Variants in ARFGEF1 observed in about 807,000 individuals in gnomAD.
ARFGEF1 encodes brefeldin A-inhibited guanine nucleotide-exchange protein 1.
In ARFGEF1, 42 loss-of-function variants were observed where a neutral mutation model predicts 231.0. That is an observed-to-expected ratio of 0.18 (90% CI 0.14 to 0.24). The LOEUF is 0.24. Ranked by LOEUF, ARFGEF1 falls within the 10% of genes least tolerant of loss-of-function variation. The pLI is 1.00. For synonymous variants in ARFGEF1, 710 were observed against 732.3 expected (o/e 0.97, Z 0.49); for missense variants, 1,345 against 2,192.0 (o/e 0.61, Z 7.72).
intron 1 of ARFGEF1, among the ~76,000 whole-genome samples, chr8:67,303,273 G>C (rs1173435616): frequency 6.6e-6 from 1 of 152,120 alleles, no homozygotes; most frequent in Non-Finnish European, 1.5e-5. Flanking sequence ...TTTGTGCATT[G>C]ATATTTAACT....
intron 5 of ARFGEF1, among the ~76,000 whole-genome samples, chr8:67,177,273 C>CT (rs1322074403): frequency 2.0e-5 from 3 of 152,072 alleles, no homozygotes; most frequent in Non-Finnish European, 4.4e-5. Context: ...GATACCTGAT[C>CT]CAAGATCTTT....
At position 67,266,969 on chromosome 8, in the gene ARFGEF1, T is replaced by C; in HGVS notation, c.1828A>G (p.Lys610Glu). 1 of 1,613,514 alleles carries C rather than the reference T, an allele frequency of 6.2e-7. No individual in the cohort carries two copies. The highest frequency in any genetic ancestry group is 1.1e-5 in the South Asian group (1 of 91,054). The change falls in exon 13 of 39, where the codon AAA becomes GAA. Residue 610 changes from lysine (K) to glutamate (E), a missense_variant. By Grantham distance (56) the Lys-to-Glu change is moderately conservative (BLOSUM62 1). Around this residue, in one of 14 missense-constraint regions of ARFGEF1, gnomAD observed 141 missense variants for 259.9 expected, o/e 0.54. Coordinates refer to ENST00000262215, the MANE Select transcript of ARFGEF1 (RefSeq NM_006421.5). ...GACACTAAGCATTCTAAACCTTTTTTCCTCAGGCTCAATTCCTACAAAGTA... is the reference window on the plus strand; with the variant it reads ...GACACTAAGCATTCTAAACCTTTTTCCCTCAGGCTCAATTCCTACAAAGTA... ...MSNVQELSLR[K>E]KGLECLVSIL...
intron 22 of ARFGEF1, among the ~76,000 whole-genome samples, chr8:67,235,159 T>A (rs945770320): frequency 4.0e-5 from 6 of 149,680 alleles, no homozygotes; most frequent in African/African-American, 9.7e-5. Context: ...AAATATAATT[T>A]AAAATCATTA....
At chr8:67,266,248 A>AC (rs747825280) in intron 13 of ARFGEF1, 41 bp from the exon 14 acceptor site, 1 of 1,531,742 alleles carries the variant, frequency 6.5e-7, no homozygotes, top group South Asian at 1.2e-5. Flanking sequence ...ATTCTATCAA[A>AC]GAAAAAAAAA....
chr8:67,200,212 G>C (rs544386823), intron 38 of ARFGEF1, 184 bp downstream of exon 38: 36 of 659,584 alleles, frequency 5.5e-5, no homozygotes, highest in Middle Eastern at 4.8e-4. Flanking sequence ...GCTGGGTAAG[G>C]GGGGAGAAAA....
At chr8:67,286,734 A>G (rs1279906529) in intron 7 of ARFGEF1, among the ~76,000 whole-genome samples, 1 of 151,934 alleles carries the variant, frequency 6.6e-6, no homozygotes, top group Non-Finnish European at 1.5e-5. Flanking sequence ...TCTTCAAATC[A>G]TGGTCGGTTC....
chr8:67,237,784 A>G (rs1295747642), intron 22 of ARFGEF1, among the ~76,000 whole-genome samples: 8 of 152,242 alleles, frequency 5.3e-5, no homozygotes, highest in African/African-American at 1.9e-4. Context: ...ACTTAAGGTC[A>G]AAGTCTAATA....
chr8:67,296,186 T>A (rs532925542), intron 5 of ARFGEF1, among the ~76,000 whole-genome samples: 1 of 152,224 alleles, frequency 6.6e-6, no homozygotes, highest in African/African-American at 2.4e-5. Flanking sequence ...ACAAGGAAGA[T>A]GGCAATCAGC....
At chr8:67,264,926 C>T (rs1174627465) in intron 14 of ARFGEF1, among the ~76,000 whole-genome samples, 2 of 152,136 alleles carry the variant, frequency 1.3e-5, no homozygotes, top group Admixed American at 1.3e-4. Context: ...AGGACCAATG[C>T]CTTCATGGTG....
chr8:67,263,283 C>G (rs1439772370), intron 14 of ARFGEF1, among the ~76,000 whole-genome samples: 1 of 152,142 alleles, frequency 6.6e-6, no homozygotes, highest in Admixed American at 6.6e-5. Flanking sequence ...TGCTCCAACA[C>G]CTGTCATTTG....
intron 10 of ARFGEF1, among the ~76,000 whole-genome samples, chr8:67,270,262 T>C (rs1232675203): frequency 2.6e-5 from 4 of 152,146 alleles, no homozygotes; most frequent in Non-Finnish European, 5.9e-5. Context: ...CCAAAAATGG[T>C]TTCCTGTCCA....
intron 34 of ARFGEF1, among the ~76,000 whole-genome samples, chr8:67,210,163 A>G (rs1164089970): frequency 6.8e-6 from 1 of 147,596 alleles, no homozygotes; most frequent in Non-Finnish European, 1.5e-5. Flanking sequence ...TCAAAAAAAA[A>G]AAAAAAAAAA....
Position 67,288,849 on chromosome 8 carries a change from C to T in ARFGEF1, c.917-784G>A, listed in dbSNP as rs556895252. ...GCATCTGGGCCTTCCCCAGTACTTTCTGGCCCTTCCTATTTTTTCACCAAC... is the reference window on the plus strand; with the variant it reads ...GCATCTGGGCCTTCCCCAGTACTTTTTGGCCCTTCCTATTTTTTCACCAAC... On this transcript the variant is annotated intron_variant, in intron 6 of 38. Coordinates refer to ENST00000262215, the MANE Select transcript of ARFGEF1 (RefSeq NM_006421.5). 3.3e-5 allele frequency among the ~76,000 whole-genome samples: 5 copies of T among 152,174 alleles called. No homozygotes were observed. The South Asian group carries it at 1.0e-3, about 32-fold the overall frequency.
intron 22 of ARFGEF1, among the ~76,000 whole-genome samples, chr8:67,234,970 A>G (rs946929129): frequency 6.8e-6 from 1 of 146,998 alleles, no homozygotes; most frequent in Admixed American, 6.6e-5. Flanking sequence ...AGAAAAAAAC[A>G]ATGCCAATCA....
intron 10 of ARFGEF1, among the ~76,000 whole-genome samples, chr8:67,268,508 G>T (rs1269027724): frequency 6.6e-6 from 1 of 152,156 alleles, no homozygotes; most frequent in Non-Finnish European, 1.5e-5. Context: ...TCAAAAGATT[G>T]CTCATGGTTT....
chr8:67,221,052 G>C (rs973858988), intron 29 of ARFGEF1, among the ~76,000 whole-genome samples: 1 of 152,044 alleles, frequency 6.6e-6, no homozygotes, highest in African/African-American at 2.4e-5. Flanking sequence ...CAATTGTCTT[G>C]TGACATTGTA....
In ARFGEF1 at chr8:67,319,503, A is replaced by C. The variant is rs761542860; in HGVS notation, c.125-17037T>G. On this transcript the variant is annotated intron_variant, in intron 1 of 38. Transcript: ENST00000262215. ...GTGTTGGAATTAGACACCCATTTGC[A>C]AAAAAAAAAAAAAAACTCTTGACCT... Among the ~76,000 whole-genome samples, 166 of 70,298 alleles carry C rather than the reference A, an allele frequency of 2.4e-3. No individual in the cohort carries two copies. The Middle Eastern group carries it at 0.024, about 10-fold the overall frequency. 46.1% of individuals were successfully genotyped at this position (70,298 alleles called of 152,430 possible).
chr8:67,259,849 G>A lies in ARFGEF1; in HGVS notation c.2201C>T (p.Ala734Val). ...TCTTTCCTCTTGATGTAAGAATTGG[G>A]CAATATCTTCAGGTGTGGTGCCAAG... is the stretch of plus-strand genomic sequence containing the variant. The part of the protein sequence containing the change: ...GMLGTTPEDI[A>V]QFLHQEERLD... Residue 734 changes from alanine (A) to valine (V), a missense_variant, in exon 15 of 39, where the codon GCC (alanine) becomes GTC (valine). Ala to Val is a moderately conservative substitution (Grantham distance 64). Around this residue, in one of 14 missense-constraint regions of ARFGEF1, gnomAD observed 105 missense variants for 159.3 expected, o/e 0.66. Transcript: ENST00000262215. The A allele has an allele frequency of 6.2e-7, 1 of 1,611,694 alleles. No individual in the cohort carries two copies. Among genetic ancestry groups the A allele is most frequent in the Non-Finnish European group, 8.5e-7 (1 of 1,178,444 alleles).
chr8:67,174,953 C>T (rs1304530661), downstream of ARFGEF1: 1 of 227,220 alleles, frequency 4.4e-6, no homozygotes, highest in Middle Eastern at 1.8e-3. Context: ...TAGTCATAGC[C>T]ATGTGACCAT....
Sources: gnomAD v4.1 joint callset for allele counts (sites outside exome capture counted in the v4.1 genomes callset) on GRCh38, gnomAD v4.1.1 for gene constraint, gnomAD v4.1.1 regional missense constraint, MANE v1.5 for transcripts, NCBI Gene and HGNC (gene_info 2026-07-23, HGNC 2026-07-21) for gene names.